The following PHF8 variants were observed in gnomAD, a reference collection of about 807,000 sequenced individuals.
The protein encoded by PHF8 is PHD finger protein 8.
In PHF8, 9 loss-of-function variants were observed where a neutral mutation model predicts 74.4. The ratio of observed to expected loss-of-function variants is 0.12; its 90% confidence interval spans 0.07 to 0.21. PHF8 has a LOEUF of 0.21. Ranked by LOEUF, PHF8 falls within the 10% of genes least tolerant of loss-of-function variation. The pLI, the probability that PHF8 is intolerant of heterozygous loss-of-function variation, is 1.00. For synonymous variants in PHF8, 311 were observed against 316.6 expected, an observed-to-expected ratio of 0.98 and a Z score of 0.19; for missense variants, 478 against 816.6, an observed-to-expected ratio of 0.59 and a Z score of 5.05.
chrX:54,043,156 C>T (rs1015838224), intron 1 of PHF8: 13 of 797,247 alleles, frequency 1.6e-5, no homozygotes, highest in Non-Finnish European at 2.0e-5. Context: ...CTGAACCCTC[C>T]CCTAGCTGAC....
chrX:53,996,922 A>G (rs782008484), intron 11 of PHF8, among the ~76,000 whole-genome samples: 148 of 112,579 alleles, frequency 1.3e-3, no homozygotes, highest in African/African-American at 4.4e-3. Flanking sequence ...GATAGGACAT[A>G]AGCATGGACC....
chrX:54,039,837 T>C (rs1557115395), intron 2 of PHF8: 2 of 112,594 alleles, frequency 1.8e-5, no homozygotes. Flanking sequence ...TTTAGCTGAA[T>C]ATTTAATGAA....
intron 19 of PHF8, among the ~76,000 whole-genome samples, chrX:53,962,179 T>C (rs782297274): frequency 7.2e-4 from 80 of 111,651 alleles, no homozygotes; most frequent in African/African-American, 2.5e-3. Context: ...TTTGAGACCA[T>C]TCAGCCCCAG....
intron 1 of PHF8, among the ~76,000 whole-genome samples, chrX:54,043,477 A>G (rs2066598423): frequency 9.0e-6 from 1 of 111,062 alleles, no homozygotes; most frequent in Non-Finnish European, 1.9e-5. Context: ...TGAAATAAAT[A>G]TAAATCTCTA....
intron 2 of PHF8, among the ~76,000 whole-genome samples, chrX:54,038,204 T>C (rs926588988): frequency 8.9e-6 from 1 of 112,314 alleles, no homozygotes; most frequent in Non-Finnish European, 1.9e-5. Context: ...CCCAAGAAAT[T>C]GCATTTTGAA....
chrX:54,032,181 C>T (rs935096519), intron 2 of PHF8, among the ~76,000 whole-genome samples: 1 of 111,490 alleles, frequency 9.0e-6, no homozygotes, highest in African/African-American at 3.3e-5. Context: ...TAAACTTTAG[C>T]GTGCATCTGA....
chrX:54,035,261 G>A (rs1185138578), intron 2 of PHF8, among the ~76,000 whole-genome samples: 3 of 108,201 alleles, frequency 2.8e-5, no homozygotes, highest in African/African-American at 1.0e-4. Context: ...GGAGGCTAAG[G>A]TGGGAGAATC....
chrX:53,990,807 C>T (rs2065647312), intron 14 of PHF8, among the ~76,000 whole-genome samples: 1 of 111,568 alleles, frequency 9.0e-6, no homozygotes, highest in Admixed American at 9.6e-5. Flanking sequence ...TTCTGAGTAT[C>T]TAGAAAATAG....
At chrX:54,016,507 AAG>A in intron 6 of PHF8, 86 bp downstream of exon 6, 2 of 824,116 alleles carry the variant, frequency 2.4e-6, no homozygotes, top group Admixed American at 2.5e-5. Context: ...AAAAAAAAAA[AAG>A]AGAGAGAAAC....
At chrX:54,035,299 G>A (rs781873010) in intron 2 of PHF8, among the ~76,000 whole-genome samples, 77 of 108,689 alleles carry the variant, frequency 7.1e-4, no homozygotes, top group Non-Finnish European at 1.4e-3. Flanking sequence ...AGAGGTTGCA[G>A]TGAGCCGAGA....
chrX:54,043,351 G>T (rs987957616), intron 1 of PHF8, among the ~76,000 whole-genome samples: 1 of 110,745 alleles, frequency 9.0e-6, no homozygotes, highest in Non-Finnish European at 1.9e-5. Context: ...ACAAGACTAG[G>T]CGCCCAACTC....
chrX:53,969,343 A>G (rs1353093509), intron 18 of PHF8, among the ~76,000 whole-genome samples: 1 of 111,810 alleles, frequency 8.9e-6, no homozygotes, highest in Non-Finnish European at 1.9e-5. Context: ...TCTAAAAAAA[A>G]AACTAAAAAA....
At position 53,944,171 on chromosome X, in the gene PHF8, G is replaced by A. The variant is rs2064796060; in HGVS notation, c.2612C>T (p.Thr871Ile). 1 of 1,207,477 alleles carries A rather than the reference G, an allele frequency of 8.3e-7. No homozygotes were observed. The highest frequency in any genetic ancestry group is 2.2e-5 in the Admixed American group (1 of 45,834). The change falls in exon 20 of 22, where the codon ACA becomes ATA. Residue 871 changes from threonine (T) to isoleucine (I), a missense_variant. Physicochemically the swap from Thr to Ile is moderately conservative, Grantham distance 89 (BLOSUM62 -1). Coordinates refer to ENST00000338154, the MANE Select transcript of PHF8 (RefSeq NM_015107.3). Reference protein sequence around the residue: ...REGTRVASIETGLAAAAAKLA... With the variant: ...REGTRVASIEIGLAAAAAKLA... ...CTTTGCAGCTGCTGCAGCCAAACCTGTCTCAATAGAGGCTACCCGGGTCCC... is the reference window on the plus strand; with the variant it reads ...CTTTGCAGCTGCTGCAGCCAAACCTATCTCAATAGAGGCTACCCGGGTCCC...
At chrX:53,993,450 A>C (rs782455559) in intron 13 of PHF8, 151 bp downstream of exon 13, 26 of 488,565 alleles carry the variant, frequency 5.3e-5, no homozygotes, top group Non-Finnish European at 7.9e-5. Flanking sequence ...AAAAGGTCTC[A>C]ATAAATGCCT....
chrX:54,016,819 G>A, intron 5 of PHF8, 83 bp from the exon 6 acceptor site: 1 of 753,466 alleles, frequency 1.3e-6, no homozygotes, highest in Non-Finnish European at 2.1e-6. Flanking sequence ...TCCCTAGAAT[G>A]GCCTTACACT....
rs184055196 is a variant in PHF8 at position 53,971,307 on chromosome X, T to C, written c.2444-8368A>G. ...AACTAATGAGAACAAAGAGACAATGTATGAGAATCTCTGGGATGCAGCTAA... is the reference window on the plus strand; with the variant it reads ...AACTAATGAGAACAAAGAGACAATGCATGAGAATCTCTGGGATGCAGCTAA... On this transcript the variant is annotated intron_variant, in intron 18 of 21. Transcript: ENST00000338154. Among the ~76,000 whole-genome samples, 147 of 111,357 alleles carry C rather than the reference T, an allele frequency of 1.3e-3. 1 individual carries two copies. Among genetic ancestry groups the C allele is most frequent in the African/African-American group, 4.5e-3 (138 of 30,681 alleles).
At chrX:54,002,555 G>T in intron 9 of PHF8, 40 bp downstream of exon 9, 1 of 885,181 alleles carries the variant, frequency 1.1e-6, no homozygotes, top group South Asian at 2.0e-5. Flanking sequence ...CTAGCAGACA[G>T]GAATGGCCAA....
chrX:54,030,384 A>G (rs1234786737), intron 2 of PHF8, among the ~76,000 whole-genome samples: 1 of 111,622 alleles, frequency 9.0e-6, no homozygotes, highest in Non-Finnish European at 1.9e-5. Flanking sequence ...CTTAGTCAAG[A>G]GGATAATTAT....
chrX:53,978,363 T>C (rs2065421296), intron 18 of PHF8, among the ~76,000 whole-genome samples: 1 of 112,138 alleles, frequency 8.9e-6, no homozygotes, highest in South Asian at 3.7e-4. Context: ...TACCTGAATG[T>C]TCACAGCAGC....
Sources: allele counts gnomAD v4.1 joint callset (sites outside exome capture counted in the v4.1 genomes callset), GRCh38; gene constraint gnomAD v4.1.1; transcripts MANE v1.5; gene names NCBI Gene and HGNC (gene_info 2026-07-23, HGNC 2026-07-21).